AQP11: variants seen among roughly 807,000 people sequenced by gnomAD.
AQP11 encodes aquaporin-11.
In AQP11, 20 loss-of-function variants were observed where a neutral mutation model predicts 21.1. That is an observed-to-expected ratio of 0.95 (90% CI 0.67 to 1.38). The LOEUF is 1.38. AQP11 is among the 40% of genes most tolerant of loss of function. The pLI is 0.00. For synonymous variants in AQP11, 167 were observed against 150.1 expected (o/e 1.11, Z -0.82); for missense variants, 339 against 340.4 (o/e 1.00, Z 0.03).
At chr11:77,593,357 C>T (rs563222602) in intron 1 of AQP11, among the ~76,000 whole-genome samples, 5 of 152,242 alleles carry the variant, frequency 3.3e-5, no homozygotes, top group South Asian at 4.1e-4. Context: ...ACCCATCGGC[C>T]GGGCGCGGTG....
At position 77,590,496 on chromosome 11, in the gene AQP11, C is replaced by T. The variant is rs538116750; in HGVS notation, c.504C>T (p.Ile168=). The T allele has an allele frequency of 2.5e-6, 4 of 1,614,070 alleles. No individual in the cohort carries two copies. In the African/African-American group the frequency reaches 5.3e-5, roughly 22 times the overall value. The change falls in exon 1 of 3, where the codon ATC becomes ATT. Residue 168 remains isoleucine (I), a synonymous_variant. Transcript: ENST00000313578. ...PIRVDLLKAV[I]TEAVCSFLFH... ...GAGTCGACTTGCTCAAAGCGGTCAT[C>T]ACAGAGGCCGTCTGCTCCTTTCTCT...
intron 1 of AQP11, among the ~76,000 whole-genome samples, chr11:77,595,679 T>C (rs1958774231): frequency 6.6e-6 from 1 of 152,164 alleles, no homozygotes; most frequent in Non-Finnish European, 1.5e-5. Flanking sequence ...CCCAGCACTT[T>C]GGGAGGCAGA....
chr11:77,608,671 C>T (rs142531249), intron 2 of AQP11, among the ~76,000 whole-genome samples: 6 of 152,220 alleles, frequency 3.9e-5, no homozygotes, highest in East Asian at 3.9e-4. Context: ...CTTCCACCAT[C>T]GACTGAAATT....
chr11:77,594,675 T>G (rs913848366), intron 1 of AQP11, among the ~76,000 whole-genome samples: 1 of 152,210 alleles, frequency 6.6e-6, no homozygotes, highest in African/African-American at 2.4e-5. Flanking sequence ...TTGAGGGCAC[T>G]GAGAAGTCAC....
intron 1 of AQP11, among the ~76,000 whole-genome samples, chr11:77,599,947 T>C (rs1958805959): frequency 6.6e-6 from 1 of 151,804 alleles, no homozygotes; most frequent in African/African-American, 2.4e-5. Context: ...AATGATATAT[T>C]ATTACTGTTA....
rs1590788562 is a variant in AQP11, at chr11:77,609,663, CTT to C, written c.*288_*289del. On this transcript the variant is annotated 3_prime_UTR_variant, in exon 3 of 3. Coordinates refer to ENST00000313578, the MANE Select transcript of AQP11 (RefSeq NM_173039.3). ...ATCAATCTTAAATGATAATTGTTAA[CTT>C]TGATGAAAAACGAGTACAGGATGAG... The C allele has an allele frequency of 4.3e-6, 1 of 234,652 alleles. No individual in the cohort carries two copies. The allele number at this position is 234,652 out of a possible 1,614,324, so 14.5% of individuals were successfully genotyped here. A position where few individuals can be genotyped will look rare whatever the true frequency, so the allele number is the denominator to read the frequency against.
At chr11:77,605,612 C>A (rs1340500161) in intron 2 of AQP11, among the ~76,000 whole-genome samples, 5 of 152,112 alleles carry the variant, frequency 3.3e-5, no homozygotes, top group Non-Finnish European at 7.3e-5. Flanking sequence ...CTAACTAATG[C>A]CTGATGATCC....
chr11:77,592,332 G>C (rs142977621), intron 1 of AQP11, among the ~76,000 whole-genome samples: 7 of 151,998 alleles, frequency 4.6e-5, no homozygotes, highest in African/African-American at 1.7e-4. Context: ...GGGATTGGTG[G>C]GTAGTTGCTT....
intron 1 of AQP11, chr11:77,591,366 G>A: frequency 1.1e-6 from 1 of 939,186 alleles, no homozygotes; most frequent in Non-Finnish European, 1.3e-6. Context: ...CAAAACACAA[G>A]TATTTAATGA....
At chr11:77,601,950 C>T (rs1030145458) in intron 1 of AQP11, among the ~76,000 whole-genome samples, 1 of 152,216 alleles carries the variant, frequency 6.6e-6, no homozygotes, top group African/African-American at 2.4e-5. Flanking sequence ...ATTCACACAG[C>T]ATCACTCCTG....
intron 1 of AQP11, among the ~76,000 whole-genome samples, chr11:77,591,539 G>A (rs1231097471): frequency 1.3e-5 from 2 of 152,164 alleles, no homozygotes; most frequent in Admixed American, 6.5e-5. Context: ...TTCAAGATAA[G>A]GACTCCTAAA....
intron 2 of AQP11, among the ~76,000 whole-genome samples, chr11:77,608,741 A>G (rs192284965): frequency 6.6e-6 from 1 of 152,358 alleles, no homozygotes; most frequent in Admixed American, 6.5e-5. Context: ...TCAGTTAAAT[A>G]AGGTTGAGAT....
chr11:77,601,879 G>T (rs1421012624), intron 1 of AQP11, among the ~76,000 whole-genome samples: 2 of 152,130 alleles, frequency 1.3e-5, no homozygotes, highest in Admixed American at 1.3e-4. Context: ...ACATGGTCAG[G>T]GCATTCTTCC....
chr11:77,607,414 G>C (rs1031823786), intron 2 of AQP11, among the ~76,000 whole-genome samples: 4 of 152,124 alleles, frequency 2.6e-5, no homozygotes, highest in African/African-American at 9.7e-5. Context: ...GGTGCCAGGG[G>C]AGTGAGACAG....
chr11:77,607,695 C>T (rs935085821), intron 2 of AQP11, among the ~76,000 whole-genome samples: 1 of 149,028 alleles, frequency 6.7e-6, no homozygotes, highest in Non-Finnish European at 1.5e-5. Flanking sequence ...CCCAGGAAGT[C>T]GAGGCTGCAG....
chr11:77,596,562 A>ATATATATATATATATATG, intron 1 of AQP11, among the ~76,000 whole-genome samples: 1 of 133,382 alleles, frequency 7.5e-6, no homozygotes, highest in African/African-American at 2.9e-5. Context: ...ATATATATAT[A>ATATATATATATATATATG]TGTATGTAAT....
chr11:77,601,736 C>G (rs1024786805), intron 1 of AQP11, among the ~76,000 whole-genome samples: 4 of 152,188 alleles, frequency 2.6e-5, no homozygotes, highest in African/African-American at 9.7e-5. Flanking sequence ...CTGCATTCAG[C>G]TGACCAGTGG....
intron 1 of AQP11, among the ~76,000 whole-genome samples, chr11:77,598,715 G>GT (rs758476733): frequency 5.9e-5 from 9 of 152,054 alleles, no homozygotes; most frequent in African/African-American, 9.6e-5. Flanking sequence ...TTTTGTTGTT[G>GT]TTTTTTGGGT....
intron 1 of AQP11, among the ~76,000 whole-genome samples, chr11:77,600,196 T>C (rs896171752): frequency 6.6e-6 from 1 of 151,408 alleles, no homozygotes. Context: ...TGCGAACTCC[T>C]GAGCTCAGGC....
Sources: gnomAD v4.1 joint callset for allele counts (sites outside exome capture counted in the v4.1 genomes callset) on GRCh38, gnomAD v4.1.1 for gene constraint, MANE v1.5 for transcripts, NCBI Gene and HGNC (gene_info 2026-07-23, HGNC 2026-07-21) for gene names.